Variants in L3MBTL4 observed in about 807,000 individuals in gnomAD.
L3MBTL4 encodes the protein lethal(3)malignant brain tumor-like protein 4.
L3MBTL4 carries 70 observed loss-of-function variants against 84.5 expected under a neutral mutation model. That is an observed-to-expected ratio of 0.83 (90% CI 0.68 to 1.01). The LOEUF is 1.01. L3MBTL4 is among the 50% of genes least tolerant of loss of function. The pLI, the probability that L3MBTL4 is intolerant of heterozygous loss-of-function variation, is 0.00. For synonymous variants in L3MBTL4, 274 were observed against 259.8 expected (o/e 1.05, Z -0.52); for missense variants, 715 against 754.8 (o/e 0.95, Z 0.62).
intron 5 of L3MBTL4, among the ~76,000 whole-genome samples, 189 bp from the exon 6 acceptor site, chr18:6,244,777 G>C (rs1463805249): frequency 6.6e-6 from 1 of 152,180 alleles, no homozygotes; most frequent in Non-Finnish European, 1.5e-5. Flanking sequence ...TAAAGTGGCA[G>C]TTAGAAAGGA....
intron 15 of L3MBTL4, among the ~76,000 whole-genome samples, chr18:6,087,958 CAG>C (rs2058312628): frequency 6.6e-6 from 1 of 152,118 alleles, no homozygotes; most frequent in Non-Finnish European, 1.5e-5. Context: ...AAGAGAAAAA[CAG>C]ATGTATATGA....
At chr18:6,024,505 A>G (rs1211063926) in intron 16 of L3MBTL4, among the ~76,000 whole-genome samples, 2 of 152,218 alleles carry the variant, frequency 1.3e-5, no homozygotes, top group Non-Finnish European at 2.9e-5. Context: ...AATACATTCC[A>G]GGATATTGTT....
intron 12 of L3MBTL4, among the ~76,000 whole-genome samples, chr18:6,196,237 A>C (rs1430902031): frequency 1.4e-5 from 2 of 147,232 alleles, no homozygotes; most frequent in East Asian, 4.0e-4. Flanking sequence ...AGCTCACTGC[A>C]AGCTCCACCT....
At chr18:6,291,944 T>C (rs1771975276) in intron 4 of L3MBTL4, among the ~76,000 whole-genome samples, 1 of 152,178 alleles carries the variant, frequency 6.6e-6, no homozygotes, top group South Asian at 2.1e-4. Flanking sequence ...ATTTTCAAAC[T>C]ATCCATCTGA....
intron 4 of L3MBTL4, among the ~76,000 whole-genome samples, chr18:6,291,670 G>C (rs1307471355): frequency 6.6e-6 from 1 of 152,084 alleles, no homozygotes; most frequent in Admixed American, 6.6e-5. Flanking sequence ...AACTGGACCC[G>C]TATCTCTCAC....
At chr18:6,000,882 T>A (rs1273064559) in intron 16 of L3MBTL4, among the ~76,000 whole-genome samples, 1 of 152,218 alleles carries the variant, frequency 6.6e-6, no homozygotes, top group Non-Finnish European at 1.5e-5. Context: ...GTGCCAGGAA[T>A]CTGTCTCTCT....
At chr18:6,372,470 G>A (rs2054195421) in intron 1 of L3MBTL4, among the ~76,000 whole-genome samples, 1 of 152,170 alleles carries the variant, frequency 6.6e-6, no homozygotes, top group Admixed American at 6.5e-5. Context: ...AGCAAGGTAA[G>A]ATCAAATCCC....
At chr18:6,085,246 G>C (rs895814329) in intron 15 of L3MBTL4, among the ~76,000 whole-genome samples, 2 of 134,134 alleles carry the variant, frequency 1.5e-5, no homozygotes, top group African/African-American at 6.9e-5. Context: ...ATGGTCATTA[G>C]GGGAATGGTT....
chr18:6,242,322 T>C (rs2047485741), intron 7 of L3MBTL4, among the ~76,000 whole-genome samples: 1 of 152,158 alleles, frequency 6.6e-6, no homozygotes, highest in Non-Finnish European at 1.5e-5. Flanking sequence ...CCACGTCTCT[T>C]TGGAACATTA....
At chr18:6,205,650 C>A (rs1376634890) in intron 12 of L3MBTL4, among the ~76,000 whole-genome samples, 1 of 152,208 alleles carries the variant, frequency 6.6e-6, no homozygotes. Flanking sequence ...CCCCTGAGTC[C>A]ATCATCCTTT....
intron 12 of L3MBTL4, among the ~76,000 whole-genome samples, chr18:6,201,693 GA>G (rs2045654941): frequency 1.3e-5 from 2 of 152,094 alleles, no homozygotes; most frequent in African/African-American, 4.8e-5. Context: ...AATTTGGAAA[GA>G]AAAATGCAAA....
At chr18:6,042,507 T>C (rs2056449600) in intron 16 of L3MBTL4, among the ~76,000 whole-genome samples, 1 of 152,164 alleles carries the variant, frequency 6.6e-6, no homozygotes, top group Non-Finnish European at 1.5e-5. Flanking sequence ...CCCATGACTC[T>C]GCCACAGCTT....
chr18:6,348,468 A>C (rs1387100087), intron 1 of L3MBTL4, among the ~76,000 whole-genome samples: 1 of 152,170 alleles, frequency 6.6e-6, no homozygotes, highest in Non-Finnish European at 1.5e-5. Context: ...ATTTTAAATA[A>C]GGAAATACAA....
intron 16 of L3MBTL4, among the ~76,000 whole-genome samples, chr18:5,983,613 G>A (rs2053334977): frequency 6.6e-6 from 1 of 152,138 alleles, no homozygotes; most frequent in South Asian, 2.1e-4. Context: ...TGGTTATCAC[G>A]GGTAATATTT....
chr18:6,175,399 C>A (rs950048669), intron 12 of L3MBTL4, among the ~76,000 whole-genome samples: 1 of 151,998 alleles, frequency 6.6e-6, no homozygotes, highest in African/African-American at 2.4e-5. Flanking sequence ...AAAAAGAATA[C>A]GCACTTATAG....
intron 16 of L3MBTL4, among the ~76,000 whole-genome samples, chr18:5,978,690 G>A (rs1245246966): frequency 1.3e-5 from 2 of 152,182 alleles, no homozygotes; most frequent in African/African-American, 4.8e-5. Flanking sequence ...ATACATCTGT[G>A]AGTAGGACAC....
intron 16 of L3MBTL4, among the ~76,000 whole-genome samples, chr18:6,039,580 G>C (rs2056307838): frequency 6.6e-6 from 1 of 152,094 alleles, no homozygotes; most frequent in Non-Finnish European, 1.5e-5. Context: ...TCTCTTAGTT[G>C]ACTGATATTT....
chr18:6,271,833 T>A (rs1406626419), intron 4 of L3MBTL4, among the ~76,000 whole-genome samples: 1 of 151,952 alleles, frequency 6.6e-6, no homozygotes. Context: ...ATCAGCAGCG[T>A]TAAAGGCTCT....
At chr18:6,080,828 A>C in intron 16 of L3MBTL4, 53 bp downstream of exon 16, 1 of 1,301,700 alleles carries the variant, frequency 7.7e-7, no homozygotes, top group Non-Finnish European at 1.1e-6. Flanking sequence ...CAAATAAGAC[A>C]TTCTGCACAA....
Sources: allele counts gnomAD v4.1 joint callset (sites outside exome capture counted in the v4.1 genomes callset), GRCh38; gene constraint gnomAD v4.1.1; transcripts MANE v1.5; gene names NCBI Gene and HGNC (gene_info 2026-07-23, HGNC 2026-07-21).